PLXDC2: variants seen among roughly 807,000 people sequenced by gnomAD.
PLXDC2 encodes the protein plexin domain containing 2, also known as plexin domain-containing protein 2.
PLXDC2 carries 40 observed loss-of-function variants against 68.9 expected under a neutral mutation model. The observed-to-expected ratio is 0.58, with a 90% confidence interval of 0.45 to 0.76. The LOEUF (loss-of-function observed/expected upper bound fraction) is 0.76, where lower values mean the gene tolerates loss of function less well. Among genes scored for constraint, PLXDC2 ranks in the 30% least tolerant of loss-of-function variants. PLXDC2 has a pLI of 0.00. For synonymous variants in PLXDC2, 243 were observed against 234.2 expected (o/e 1.04, Z -0.34); for missense variants, 644 against 661.9 (o/e 0.97, Z 0.30).
chr10:20,268,414 CAT>C lies in PLXDC2; in HGVS notation c.1474-11286_1474-11285del, dbSNP rs1835897164. ...TATTTCAACATATACAGATTAAAAA[CAT>C]ATGATGAAACTGGTCATATATGTAA... On this transcript the variant is annotated intron_variant, in intron 13 of 13. Transcript: ENST00000377252. Among the ~76,000 whole-genome samples, 4 of 152,108 alleles carry C rather than the reference CAT, an allele frequency of 2.6e-5. 1 individual carries two copies. In the South Asian group the frequency reaches 8.3e-4, roughly 32 times the overall value.
intron 4 of PLXDC2, among the ~76,000 whole-genome samples, chr10:20,101,030 G>A (rs961171433): frequency 2.6e-5 from 4 of 152,106 alleles, no homozygotes; most frequent in African/African-American, 4.8e-5. Context: ...TTTATTGGCC[G>A]ACAGTTATGA....
intron 1 of PLXDC2, among the ~76,000 whole-genome samples, chr10:19,871,662 G>A (rs142831921): frequency 1.3e-5 from 2 of 151,904 alleles, no homozygotes; most frequent in African/African-American, 2.4e-5. Flanking sequence ...AGTGGATCAC[G>A]TGAGGTCAGG....
At chr10:19,828,312 A>G (rs779710407) in intron 1 of PLXDC2, among the ~76,000 whole-genome samples, 2 of 152,240 alleles carry the variant, frequency 1.3e-5, no homozygotes, top group Non-Finnish European at 2.9e-5. Context: ...TTTACTTTGA[A>G]TGAGAGTACA....
rs915973000 is a variant in PLXDC2 at position 20,035,928 on chromosome 10, A to G, written c.325-10941A>G. Among the ~76,000 whole-genome samples the G allele has an allele frequency of 1.9e-4, 29 of 152,190 alleles. 1 individual carries two copies. The highest frequency in any genetic ancestry group is 1.4e-3 in the Admixed American group (22 of 15,266). On this transcript the variant is annotated intron_variant, in intron 2 of 13. Transcript: ENST00000377252. ...TTTTGCATAATTCTTTTAAAATTAT[A>G]CATAGAAGTCAGTTACCAATTTTTT...
chr10:19,949,284 G>A (rs188632814), intron 1 of PLXDC2, among the ~76,000 whole-genome samples: 4 of 152,204 alleles, frequency 2.6e-5, no homozygotes, highest in Admixed American at 2.0e-4. Flanking sequence ...TCATTCTTGG[G>A]TGTTTGAAGG....
Position 20,212,876 on chromosome 10 carries a change from T to C in PLXDC2, c.1122+1147T>C, listed in dbSNP as rs16920110. Among the ~76,000 whole-genome samples, 1,241 of 152,274 alleles carry C rather than the reference T, an allele frequency of 8.1e-3. 9 individuals carry two copies. Among genetic ancestry groups the C allele is most frequent in the African/African-American group, 0.025 (1,035 of 41,560 alleles). ...TATTGACAAAGCCATAGTTGTGTTT[T>C]GAGACAATCATTTCTTTCATATAAT... On this transcript the variant is annotated intron_variant, in intron 10 of 13. Transcript: ENST00000377252.
chr10:19,842,788 C>G (rs1004523252), intron 1 of PLXDC2, among the ~76,000 whole-genome samples: 4 of 150,626 alleles, frequency 2.7e-5, no homozygotes, highest in African/African-American at 9.8e-5. Context: ...AATGAATATC[C>G]TTCTCTCTCT....
intron 4 of PLXDC2, among the ~76,000 whole-genome samples, chr10:20,080,065 T>A (rs563801624): frequency 1.5e-4 from 23 of 152,268 alleles, no homozygotes; most frequent in African/African-American, 4.8e-4. Context: ...AAAAGAGAAC[T>A]GTAACAACTA....
chr10:20,278,462 G>C (rs1836037659), intron 13 of PLXDC2, among the ~76,000 whole-genome samples: 1 of 152,084 alleles, frequency 6.6e-6, no homozygotes, highest in African/African-American at 2.4e-5. Flanking sequence ...TTTGCTGTGT[G>C]GCCCTCTCTT....
At chr10:20,060,489 A>C (rs1294208398) in intron 3 of PLXDC2, among the ~76,000 whole-genome samples, 1 of 3,108 alleles carries the variant, frequency 3.2e-4, no homozygotes, top group African/African-American at 3.6e-3. Flanking sequence ...CTGGAATGTT[A>C]AAAAAAAAAA....
chr10:19,967,426 C>G lies in PLXDC2; in HGVS notation c.113-34349C>G, dbSNP rs540175022. ...TCAAAAGAAAGTAACAAAATGGCCT[C>G]AAAACACAGTATTATTTAGTTATTT... On this transcript the variant is annotated intron_variant, in intron 1 of 13. Coordinates refer to ENST00000377252, the MANE Select transcript of PLXDC2 (RefSeq NM_032812.9). Among the ~76,000 whole-genome samples, 5 of 152,106 alleles carry G rather than the reference C, an allele frequency of 3.3e-5. 1 individual carries two copies. The South Asian group carries it at 1.0e-3, about 32-fold the overall frequency.
intron 1 of PLXDC2, among the ~76,000 whole-genome samples, chr10:19,921,588 T>C (rs375846031): frequency 2.9e-4 from 44 of 152,314 alleles, no homozygotes; most frequent in African/African-American, 1.0e-3. Context: ...GCTAAGTTAA[T>C]TTTACTCTTA....
intron 1 of PLXDC2, among the ~76,000 whole-genome samples, chr10:19,916,088 A>T (rs1011149941): frequency 1.3e-5 from 2 of 151,004 alleles, no homozygotes; most frequent in Non-Finnish European, 2.9e-5. Context: ...ATCAACGTAG[A>T]TAAAATATTT....
chr10:20,093,971 C>T (rs144334583), intron 4 of PLXDC2, among the ~76,000 whole-genome samples: 2 of 152,280 alleles, frequency 1.3e-5, no homozygotes, highest in African/African-American at 4.8e-5. Context: ...CCATGCCTGG[C>T]CAACTATCTT....
intron 4 of PLXDC2, among the ~76,000 whole-genome samples, chr10:20,072,986 A>T: frequency 6.6e-6 from 1 of 152,234 alleles, no homozygotes; most frequent in East Asian, 1.9e-4. Context: ...GTTCTTAACC[A>T]TGGAAGGCTT....
chr10:20,065,751 T>C (rs1433668584), intron 3 of PLXDC2, among the ~76,000 whole-genome samples: 3 of 152,194 alleles, frequency 2.0e-5, no homozygotes, highest in Non-Finnish European at 4.4e-5. Context: ...CAGTTCACAA[T>C]AGGGCTCACG....
rs1554765383 is a variant in PLXDC2, at chr10:20,082,070, A to AAAAAAAAAAAAAAAAAAAAAAAAC, written c.541+13837_541+13838insAAAAAAAAAAAAAAAAACAAAAAA. On this transcript the variant is annotated intron_variant, in intron 4 of 13. Transcript: ENST00000377252. ...GAAAAAAAAAAAAAAAAATCAAAAA[A>AAAAAAAAAAAAAAAAAAAAAAAAC]AAAAAACAGGAGAAGTCTGAGAAAC... 2.0e-4 allele frequency among the ~76,000 whole-genome samples: 24 copies of AAAAAAAAAAAAAAAAAAAAAAAAC among 121,990 alleles called. 2 individuals carry two copies. The highest frequency in any genetic ancestry group is 9.0e-4 in the East Asian group (3 of 3,348). 80.0% of individuals were successfully genotyped at this position (121,990 alleles called of 152,430 possible). A position where few individuals can be genotyped will look rare whatever the true frequency, so the allele number is the denominator to read the frequency against.
intron 4 of PLXDC2, among the ~76,000 whole-genome samples, chr10:20,125,127 C>T (rs1833754954): frequency 6.6e-6 from 1 of 151,902 alleles, no homozygotes; most frequent in Admixed American, 6.6e-5. Context: ...AGTAATGTCC[C>T]CCAGACATTG....
At chr10:19,885,378 T>A (rs1486725317) in intron 1 of PLXDC2, among the ~76,000 whole-genome samples, 1 of 152,076 alleles carries the variant, frequency 6.6e-6, no homozygotes, top group Non-Finnish European at 1.5e-5. Context: ...TTTGTCAATT[T>A]TGGCTTTTGT....
Sources: gnomAD v4.1 joint callset for allele counts (sites outside exome capture counted in the v4.1 genomes callset) on GRCh38, gnomAD v4.1.1 for gene constraint, MANE v1.5 for transcripts, NCBI Gene and HGNC (gene_info 2026-07-23, HGNC 2026-07-21) for gene names.